SDK1: variants seen among roughly 807,000 people sequenced by gnomAD.
SDK1 encodes sidekick cell adhesion molecule 1, also known as protein sidekick-1.
A neutral mutation model predicts 245.5 loss-of-function variants in SDK1; 157 were observed. The observed-to-expected ratio is 0.64, with a 90% CI of 0.56 to 0.73. SDK1 has a LOEUF of 0.73. Ranked by LOEUF, SDK1 falls within the 30% of genes least tolerant of loss-of-function variation. The pLI is 0.00. For missense variants in SDK1, 3,583 were observed against 3,002.3 expected (o/e 1.19, Z -4.52); for synonymous variants, 1,647 against 1,278.5 (o/e 1.29, Z -6.15).
chr7:3,879,038 C>T (rs529114050), intron 5 of SDK1, among the ~76,000 whole-genome samples: 10 of 152,096 alleles, frequency 6.6e-5, no homozygotes, highest in African/African-American at 2.2e-4. Context: ...CTTCTATATC[C>T]GACAGTCAGT....
chr7:4,126,158 G>A (rs612476), intron 25 of SDK1, among the ~76,000 whole-genome samples: 101,819 of 152,018 alleles, frequency 0.67, 35,249 homozygotes, highest in East Asian at 0.89. Context: ...GCTGAGAGCA[G>A]CTCCTCCATG....
chr7:3,348,261 A>T (rs1048516519), intron 1 of SDK1, among the ~76,000 whole-genome samples: 5 of 152,128 alleles, frequency 3.3e-5, no homozygotes, highest in African/African-American at 1.2e-4. Flanking sequence ...ACCCTCTCTG[A>T]CTCAGCTTTT....
chr7:3,796,591 C>G (rs1778967359), intron 4 of SDK1, among the ~76,000 whole-genome samples: 1 of 152,210 alleles, frequency 6.6e-6, no homozygotes, highest in African/African-American at 2.4e-5. Flanking sequence ...CAGGCGCAAC[C>G]ACTTCTTACC....
intron 4 of SDK1, among the ~76,000 whole-genome samples, chr7:3,665,553 G>A (rs968752897): frequency 1.3e-5 from 2 of 152,178 alleles, no homozygotes; most frequent in Non-Finnish European, 2.9e-5. Flanking sequence ...TGAATGAATG[G>A]AGCTTTGTCT....
intron 4 of SDK1, among the ~76,000 whole-genome samples, chr7:3,778,538 A>C (rs1780630837): frequency 6.6e-6 from 1 of 152,184 alleles, no homozygotes; most frequent in African/African-American, 2.4e-5. Flanking sequence ...TACAGATCTG[A>C]CCAGGCTGCC....
At chr7:4,116,724 A>C (rs1001077778) in intron 25 of SDK1, among the ~76,000 whole-genome samples, 1 of 152,174 alleles carries the variant, frequency 6.6e-6, no homozygotes, top group African/African-American at 2.4e-5. Context: ...GAGGACTCTT[A>C]AGCAGTAGCA....
intron 1 of SDK1, among the ~76,000 whole-genome samples, chr7:3,381,556 G>T (rs1781487347): frequency 6.6e-6 from 1 of 152,136 alleles, no homozygotes; most frequent in South Asian, 2.1e-4. Context: ...TGTGTTGGTT[G>T]TTTTAAAGGC....
intron 21 of SDK1, 75 bp downstream of exon 21, chr7:4,077,264 A>T: frequency 7.0e-7 from 1 of 1,432,380 alleles, no homozygotes; most frequent in East Asian, 2.4e-5. Flanking sequence ...GTTGATTGGC[A>T]CTTTGGTGTG....
intron 1 of SDK1, among the ~76,000 whole-genome samples, chr7:3,349,549 G>T (rs975612847): frequency 1.3e-5 from 2 of 152,172 alleles, no homozygotes; most frequent in African/African-American, 4.8e-5. Flanking sequence ...CGAAGGATAT[G>T]GGCAAGGAAA....
intron 1 of SDK1, among the ~76,000 whole-genome samples, chr7:3,444,940 T>TAAA (rs1780301877): frequency 6.6e-6 from 1 of 152,210 alleles, no homozygotes; most frequent in South Asian, 2.1e-4. Flanking sequence ...ATTTCCTACT[T>TAAA]ACAAACTACT....
chr7:3,619,387 T>C lies in SDK1; in HGVS notation c.458+148T>C, dbSNP rs1013625973. The C allele has an allele frequency of 4.6e-6, 3 of 653,638 alleles. No individual in the cohort carries two copies. In the African/African-American group the frequency reaches 5.4e-5, roughly 12 times the overall value. The allele number at this position is 653,638 out of a possible 1,614,324, so 40.5% of individuals were successfully genotyped here. On this transcript the variant is annotated intron_variant, in intron 2 of 44. Transcript: ENST00000404826. ...TAAAGGAATAGATTTGAATATGTAA[T>C]TAGAATGTGATTTACTATTCTGATA... is the stretch of plus-strand genomic sequence containing the variant.
At chr7:3,741,962 A>G (rs1779486318) in intron 4 of SDK1, among the ~76,000 whole-genome samples, 1 of 145,814 alleles carries the variant, frequency 6.9e-6, no homozygotes, top group African/African-American at 2.6e-5. Flanking sequence ...TTGAGTGGCA[A>G]TTTGTGTTCC....
intron 4 of SDK1, among the ~76,000 whole-genome samples, chr7:3,785,751 T>C (rs9655326): frequency 9.9e-5 from 15 of 152,154 alleles, no homozygotes; most frequent in African/African-American, 3.6e-4. Context: ...TGAGCTCAGA[T>C]TGTGAGTGTG....
rs533050420 is a variant in SDK1, at chr7:3,385,131, G to T, written c.298+83247G>T. On this transcript the variant is annotated intron_variant, in intron 1 of 44. Transcript: ENST00000404826. ...TTTTGGGTCAGGAGACCTGGGTTCA[G>T]GTATGGATTCTACCACTTTCCACTC... is the stretch of plus-strand genomic sequence containing the variant. 1.4e-4 allele frequency among the ~76,000 whole-genome samples: 21 copies of T among 152,276 alleles called. 2 individuals carry two copies. The South Asian group carries it at 4.4e-3, about 32-fold the overall frequency.
chr7:3,358,763 T>C (rs535672842), intron 1 of SDK1, among the ~76,000 whole-genome samples: 1 of 152,342 alleles, frequency 6.6e-6, no homozygotes, highest in African/African-American at 2.4e-5. Context: ...GTACTTGCGC[T>C]ACAGTAAATA....
intron 1 of SDK1, among the ~76,000 whole-genome samples, chr7:3,581,685 A>T (rs1780502210): frequency 6.6e-6 from 1 of 152,226 alleles, no homozygotes; most frequent in Admixed American, 6.5e-5. Context: ...TACGACAAAG[A>T]CACATATACA....
At chr7:3,547,363 G>A (rs1779256971) in intron 1 of SDK1, among the ~76,000 whole-genome samples, 1 of 152,122 alleles carries the variant, frequency 6.6e-6, no homozygotes, top group South Asian at 2.1e-4. Context: ...ATAAAATTGA[G>A]GTTTTAAAAC....
intron 5 of SDK1, among the ~76,000 whole-genome samples, chr7:3,876,113 T>A (rs1781070875): frequency 6.6e-6 from 1 of 152,178 alleles, no homozygotes; most frequent in East Asian, 1.9e-4. Flanking sequence ...AGTCAGGCAC[T>A]AGTCTGCTGT....
intron 4 of SDK1, among the ~76,000 whole-genome samples, chr7:3,661,334 G>A (rs919296370): frequency 6.6e-6 from 1 of 152,184 alleles, no homozygotes; most frequent in East Asian, 1.9e-4. Flanking sequence ...TAAGAATTTT[G>A]TCTATGGAAA....
Sources: allele counts gnomAD v4.1 joint callset (sites outside exome capture counted in the v4.1 genomes callset), GRCh38; gene constraint gnomAD v4.1.1; transcripts MANE v1.5; gene names NCBI Gene and HGNC (gene_info 2026-07-23, HGNC 2026-07-21).